Variants in TIGD5 observed in about 807,000 individuals in gnomAD.
TIGD5 encodes tigger transposable element derived 5, also known as tigger transposable element-derived protein 5.
TIGD5 carries 24 observed loss-of-function variants against 28.8 expected under a neutral mutation model. The ratio of observed to expected loss-of-function variants is 0.83; its 90% CI spans 0.60 to 1.17. The LOEUF (loss-of-function observed/expected upper bound fraction) is 1.17. Among genes scored for constraint, TIGD5 ranks in the 50% most tolerant of loss-of-function variants. The probability of loss-of-function intolerance (pLI) is 0.00; values close to 1 mark genes in which losing one functional copy is unlikely to be tolerated. For missense variants in TIGD5, 922 were observed against 911.4 expected, an observed-to-expected ratio of 1.01 and a Z score of -0.15; for synonymous variants, 538 against 430.5, an observed-to-expected ratio of 1.25 and a Z score of -3.09.
rs1829149375 is a variant in TIGD5, at chr8:143,598,489, AGCCCCGC to A, written c.591_597del (p.Pro199ArgfsTer75). The A allele has an allele frequency of 7.2e-7, 1 of 1,383,882 alleles. No individual in the cohort carries two copies. The allele number at this position is 1,383,882 out of a possible 1,614,324, so 85.7% of individuals were successfully genotyped here. A position where few individuals can be genotyped will look rare whatever the true frequency, so the allele number is the denominator to read the frequency against. On this transcript the variant is annotated frameshift_variant, in exon 1 of 1. Transcript: ENST00000504548. LOFTEE classifies it high-confidence loss of function. The surrounding 1 kb of genome is among the most constrained non-coding windows in gnomAD (Gnocchi z 6.6). The stretch of plus-strand genomic sequence containing the variant: ...CGGCGAGGCCGGGCCCCCAGCCCCG[AGCCCCGC>A]GCCCGGCCCGCCCGTCAAGGAGGAG...
At position 143,599,814 on chromosome 8, in the gene TIGD5, C is replaced by T; in HGVS notation, c.1911C>T (p.Gly637=). Residue 637 remains glycine, a synonymous_variant, in exon 1 of 1, where the codon GGC becomes GGT. Transcript: ENST00000504548. ...GGGGCATCGGGCATACCCCAGCAGG[C>T]CCCTATGACGGTGTGTGACCAGGCC... ...RLGGIGHTPA[G]PYDGV The T allele has an allele frequency of 6.8e-7, 1 of 1,480,270 alleles. No homozygotes were observed. Among genetic ancestry groups the T allele is most frequent in the Non-Finnish European group, 8.9e-7 (1 of 1,124,766 alleles). The allele number at this position is 1,480,270 out of a possible 1,614,324, so 91.7% of individuals were successfully genotyped here.
rs766390289 is a variant in TIGD5, at chr8:143,599,701, C to T, written c.1798C>T (p.Arg600Trp). Residue 600 changes from arginine (R) to tryptophan (W), a missense_variant, in exon 1 of 1, where the codon CGG becomes TGG. By Grantham distance (101) the Arg-to-Trp change is moderately radical. Coordinates refer to ENST00000504548, the MANE Select transcript of TIGD5 (RefSeq NM_032862.5). ...EAVRGLETAL[R>W]WLENQDPREV... ...CGTGCGGGGGCTAGAAACAGCTCTGCGGTGGCTGGAGAACCAGGACCCCAG... is the reference window on the plus strand; with the variant it reads ...CGTGCGGGGGCTAGAAACAGCTCTGTGGTGGCTGGAGAACCAGGACCCCAG... The T allele has an allele frequency of 3.3e-6, 5 of 1,512,436 alleles. No individual in the cohort carries two copies. Among genetic ancestry groups the T allele is most frequent in the South Asian group, 1.3e-5 (1 of 75,502 alleles). The allele number at this position is 1,512,436 out of a possible 1,614,324, so 93.7% of individuals were successfully genotyped here. A position where few individuals can be genotyped will look rare whatever the true frequency, so the allele number is the denominator to read the frequency against.
At position 143,601,395 on chromosome 8, in the gene TIGD5, G is replaced by A. The variant is rs757130870; in HGVS notation, c.*1563G>A. The A allele has an allele frequency of 3.9e-5, 6 of 152,258 alleles. No individual in the cohort carries two copies. Among genetic ancestry groups the A allele is most frequent in the Non-Finnish European group, 7.3e-5 (5 of 68,064 alleles). The allele number at this position is 152,258 out of a possible 1,614,324, so 9.4% of individuals were successfully genotyped here. A position where few individuals can be genotyped will look rare whatever the true frequency, so the allele number is the denominator to read the frequency against. Reference sequence around the variant, plus strand: ...GGAAGAGCCTCTGGCCTGAACTGCTGGGGATGGGCTGCAGAAAGCCTGAGA... The same window carrying A: ...GGAAGAGCCTCTGGCCTGAACTGCTAGGGATGGGCTGCAGAAAGCCTGAGA... On this transcript the variant is annotated 3_prime_UTR_variant, in exon 1 of 1. Coordinates refer to ENST00000504548, the MANE Select transcript of TIGD5 (RefSeq NM_032862.5).
rs1431178677 is a variant in TIGD5 at position 143,599,583 on chromosome 8, C to A, written c.1680C>A (p.Ala560=). Residue 560 remains alanine, a synonymous_variant, in exon 1 of 1, where the codon GCC becomes GCA. Coordinates refer to ENST00000504548, the MANE Select transcript of TIGD5 (RefSeq NM_032862.5). ...GPALPPAAPP[A]PASLPSAMGG... ...CCCTGCCCCCTGCAGCGCCTCCGGC[C>A]CCAGCCAGTCTGCCCTCTGCCATGG... 3.3e-6 allele frequency: 5 copies of A among 1,535,958 alleles called. No individual in the cohort carries two copies. Among genetic ancestry groups the A allele is most frequent in the Middle Eastern group, 1.7e-4 (1 of 5,792 alleles).
In TIGD5 at chr8:143,598,777, C is replaced by G; in HGVS notation, c.874C>G (p.Leu292Val). ...GACCGGCAGCCACAAGCTGAAGCCG[C>G]TGGTCATCGGGCGGCTGCCGGACCC... ...NLTGSHKLKPLVIGRLPDPPS... is the reference protein window; with the variant it reads ...NLTGSHKLKPVVIGRLPDPPS... The change falls in exon 1 of 1, where the codon CTG becomes GTG. Residue 292 changes from leucine (L) to valine (V), a missense_variant. Physicochemically the swap from Leu to Val is conservative, Grantham distance 32 (BLOSUM62 1). Coordinates refer to ENST00000504548, the MANE Select transcript of TIGD5 (RefSeq NM_032862.5). The surrounding 1 kb of genome is among the most constrained non-coding windows in gnomAD (Gnocchi z 6.6). 1.3e-6 allele frequency: 2 copies of G among 1,596,300 alleles called. No individual in the cohort carries two copies. The highest frequency in any genetic ancestry group is 1.7e-6 in the Non-Finnish European group (2 of 1,177,870).
rs749687282 is a variant in TIGD5 at position 143,602,938 on chromosome 8, C to A, written c.*3106C>A. The A allele has an allele frequency of 6.6e-6, 1 of 152,276 alleles. No homozygotes were observed. Among genetic ancestry groups the A allele is most frequent in the African/African-American group, 2.4e-5 (1 of 41,454 alleles). The allele number at this position is 152,276 out of a possible 1,614,324, so 9.4% of individuals were successfully genotyped here. On this transcript the variant is annotated 3_prime_UTR_variant, in exon 1 of 1. Transcript: ENST00000504548. ...AAGGACCTGCAGGCTTGGGGGACCC[C>A]CTCGATGTCCACTGGGCTGCGGATG...
At position 143,598,807 on chromosome 8, in the gene TIGD5, A is replaced by C; in HGVS notation, c.904A>C (p.Ser302Arg). The C allele has an allele frequency of 6.2e-7, 1 of 1,600,182 alleles. No homozygotes were observed. Among genetic ancestry groups the C allele is most frequent in the Non-Finnish European group, 8.5e-7 (1 of 1,179,308 alleles). Reference protein sequence around the residue: ...LVIGRLPDPPSLRHHNQDKFP... With the variant: ...LVIGRLPDPPRLRHHNQDKFP... ...CATCGGGCGGCTGCCGGACCCGCCC[A>C]GCCTGCGCCACCACAACCAGGACAA... is the stretch of plus-strand genomic sequence containing the variant. The change falls in exon 1 of 1, where the codon AGC becomes CGC. Residue 302 changes from serine to arginine, a missense_variant. By Grantham distance (110) the Ser-to-Arg change is moderately radical. Around this residue, in one of 3 missense-constraint regions of TIGD5, gnomAD observed 821 missense variants for 815.2 expected, o/e 1.01. Transcript: ENST00000504548. The surrounding 1 kb of genome is among the most constrained non-coding windows in gnomAD (Gnocchi z 6.6).
Position 143,599,915 on chromosome 8 carries a change from C to T in TIGD5, c.*83C>T, listed in dbSNP as rs1829233364. 3.6e-6 allele frequency: 5 copies of T among 1,371,196 alleles called. No homozygotes were observed. The highest frequency in any genetic ancestry group is 1.9e-5 in the South Asian group (1 of 53,134). 84.9% of individuals were successfully genotyped at this position (1,371,196 alleles called of 1,614,324 possible). A position where few individuals can be genotyped will look rare whatever the true frequency, so the allele number is the denominator to read the frequency against. On this transcript the variant is annotated 3_prime_UTR_variant, in exon 1 of 1. Coordinates refer to ENST00000504548, the MANE Select transcript of TIGD5 (RefSeq NM_032862.5). ...AGTCTCCCATCTCTCCTCCCCTCCC[C>T]CTGGGGTGGCCCACCGCATGGGTAC... is the stretch of plus-strand genomic sequence containing the variant.
Position 143,598,562 on chromosome 8 carries a change from C to G in TIGD5, c.659C>G (p.Ala220Gly), listed in dbSNP as rs959339122. Residue 220 changes from alanine to glycine, a missense_variant, in exon 1 of 1, where the codon GCC (alanine) becomes GGC (glycine). By Grantham distance (60) the Ala-to-Gly change is moderately conservative. This residue lies in a region of TIGD5 where 821 missense variants were observed against 815.2 expected (regional missense o/e 1.01). Coordinates refer to ENST00000504548, the MANE Select transcript of TIGD5 (RefSeq NM_032862.5). This position sits in a 1 kb window ranked among gnomAD's most constrained non-coding sequence, Gnocchi z 6.6. ...GGCGCCGGCCCCCTGCCCGACCGCG[C>G]CCCGGCCCCGCCGCCCCCGGCCGAG... ...PSGAGPLPDR[A>G]PAPPPPAEGG... is the part of the protein sequence containing the mutation. The G allele has an allele frequency of 1.6e-4, 212 of 1,320,110 alleles. No homozygotes were observed. Among genetic ancestry groups the G allele is most frequent in the Middle Eastern group, 2.8e-4 (1 of 3,544 alleles). 81.8% of individuals were successfully genotyped at this position (1,320,110 alleles called of 1,614,324 possible). A position where few individuals can be genotyped will look rare whatever the true frequency, so the allele number is the denominator to read the frequency against.
Position 143,598,269 on chromosome 8 carries a change from G to A in TIGD5, c.366G>A (p.Glu122=), listed in dbSNP as rs770768610. The change falls in exon 1 of 1, where the codon GAG becomes GAA. Residue 122 remains glutamate, a synonymous_variant. Coordinates refer to ENST00000504548, the MANE Select transcript of TIGD5 (RefSeq NM_032862.5). The surrounding 1 kb of genome is among the most constrained non-coding windows in gnomAD (Gnocchi z 6.6). ...AGAAGATGCGGCTGGCCAACGAGGA[G>A]GAGATCGACCGCGCCGTGTACGCCT... is the stretch of plus-strand genomic sequence containing the variant. ...QRKKMRLANE[E]EIDRAVYAWF... 3.1e-6 allele frequency: 5 copies of A among 1,610,112 alleles called. No homozygotes were observed. The highest frequency in any genetic ancestry group is 2.5e-6 in the Non-Finnish European group (3 of 1,178,922).
rs971936692 is a variant in TIGD5, at chr8:143,601,189, C to T, written c.*1357C>T. ...TATACAGGTCCAGGAACAAACAGTT[C>T]CTTGGAACTGCCCGCAAGTGAAGAA... On this transcript the variant is annotated 3_prime_UTR_variant, in exon 1 of 1. Coordinates refer to ENST00000504548, the MANE Select transcript of TIGD5 (RefSeq NM_032862.5). 2.0e-5 allele frequency: 3 copies of T among 152,160 alleles called. No homozygotes were observed. Among genetic ancestry groups the T allele is most frequent in the Admixed American group, 1.3e-4 (2 of 15,282 alleles). 9.4% of individuals were successfully genotyped at this position (152,160 alleles called of 1,614,324 possible). A position where few individuals can be genotyped will look rare whatever the true frequency, so the allele number is the denominator to read the frequency against.
In TIGD5 at chr8:143,598,892, G is replaced by C; in HGVS notation, c.989G>C (p.Gly330Ala). The C allele has an allele frequency of 1.9e-6, 3 of 1,598,556 alleles. No homozygotes were observed. Among genetic ancestry groups the C allele is most frequent in the South Asian group, 1.1e-5 (1 of 90,814 alleles). ...DAWLSRPLLR[G>A]WFFEEFVPGV... ...TGGCTCAGCCGCCCGCTGCTGCGGG[G>C]CTGGTTCTTTGAGGAATTTGTCCCA... The change falls in exon 1 of 1, where the codon GGC becomes GCC. Residue 330 changes from glycine to alanine, a missense_variant. Transcript: ENST00000504548. This position sits in a 1 kb window ranked among gnomAD's most constrained non-coding sequence, Gnocchi z 6.6.
rs1474549391 is a variant in TIGD5 at position 143,598,200 on chromosome 8, C to T, written c.297C>T (p.Arg99=). The T allele has an allele frequency of 1.9e-6, 3 of 1,606,808 alleles. No individual in the cohort carries two copies. The highest frequency in any genetic ancestry group is 2.7e-5 in the African/African-American group (2 of 74,098). Reference sequence around the variant, plus strand: ...GGCTCAAGGACGAGCCCAAGCTGCGCTGGTTCCTGGAGCAGCTGGGCGGTG... The same window carrying T: ...GGCTCAAGGACGAGCCCAAGCTGCGTTGGTTCCTGGAGCAGCTGGGCGGTG... ...RGWLKDEPKL[R]WFLEQLGGEV... is the part of the protein sequence containing the mutation. The change falls in exon 1 of 1, where the codon CGC becomes CGT. Residue 99 remains arginine, a synonymous_variant. Coordinates refer to ENST00000504548, the MANE Select transcript of TIGD5 (RefSeq NM_032862.5). The surrounding 1 kb of genome is among the most constrained non-coding windows in gnomAD (Gnocchi z 6.6).
chr8:143,598,767 G>T lies in TIGD5; in HGVS notation c.864G>T (p.Lys288Asn). ...CCGCAAACCTGACCGGCAGCCACAA[G>T]CTGAAGCCGCTGGTCATCGGGCGGC... Reference protein sequence around the residue: ...LLAANLTGSHKLKPLVIGRLP... With the variant: ...LLAANLTGSHNLKPLVIGRLP... The change falls in exon 1 of 1, where the codon AAG (lysine) becomes AAT (asparagine). Residue 288 changes from lysine (K) to asparagine (N), a missense_variant. Physicochemically the swap from Lys to Asn is moderately conservative, Grantham distance 94 (BLOSUM62 0). Transcript: ENST00000504548. This position sits in a 1 kb window ranked among gnomAD's most constrained non-coding sequence, Gnocchi z 6.6. 1 of 1,592,452 alleles carries T rather than the reference G, an allele frequency of 6.3e-7. No homozygotes were observed. Among genetic ancestry groups the T allele is most frequent in the Non-Finnish European group, 8.5e-7 (1 of 1,176,168 alleles).
Position 143,601,046 on chromosome 8 carries a change from C to T in TIGD5, c.*1214C>T, listed in dbSNP as rs1335139306. On this transcript the variant is annotated 3_prime_UTR_variant, in exon 1 of 1. Transcript: ENST00000504548. ...CCAGTGTCCTCCTAGGAGAGGGAAC[C>T]TTGAAAACCCAGAGTTGTGGAGTGC... 6.6e-6 allele frequency: 1 copy of T among 152,372 alleles called. No homozygotes were observed. Among genetic ancestry groups the T allele is most frequent in the African/African-American group, 2.4e-5 (1 of 41,410 alleles). 9.4% of individuals were successfully genotyped at this position (152,372 alleles called of 1,614,324 possible). A position where few individuals can be genotyped will look rare whatever the true frequency, so the allele number is the denominator to read the frequency against.
rs1009803790 is a variant in TIGD5, at chr8:143,597,898, G to A, written c.-6G>A. On this transcript the variant is annotated 5_prime_UTR_variant, in exon 1 of 1. Transcript: ENST00000504548. ...CCGCGCGGCCCGGGTCCCCCCCGCC[G>A]CAGCCATGTACCCCGCGGGCCCCCC... 8.2e-6 allele frequency: 7 copies of A among 852,212 alleles called. No homozygotes were observed. Among genetic ancestry groups the A allele is most frequent in the Non-Finnish European group, 8.4e-6 (6 of 713,592 alleles). The allele number at this position is 852,212 out of a possible 1,614,324, so 52.8% of individuals were successfully genotyped here.
rs1224657365 is a variant in TIGD5 at position 143,599,019 on chromosome 8, G to A, written c.1116G>A (p.Leu372=). The A allele has an allele frequency of 4.5e-6, 7 of 1,572,348 alleles. No homozygotes were observed. Among genetic ancestry groups the A allele is most frequent in the Non-Finnish European group, 6.0e-6 (7 of 1,166,616 alleles). ...GCCCAGCTGCCAGTATGCCCGCCCT[G>A]GACAGCGAGGATGCCCCCGTGCGGT... is the stretch of plus-strand genomic sequence containing the variant. ...CPSPAASMPA[L]DSEDAPVRCR... Residue 372 remains leucine (L), a synonymous_variant, in exon 1 of 1, where the codon CTG becomes CTA. Transcript: ENST00000504548.
Position 143,599,037 on chromosome 8 carries a change from C to T in TIGD5, c.1134C>T (p.Pro378=), listed in dbSNP as rs776768285. ...SMPALDSEDA[P]VRCRPEPLGP... ...CCGCCCTGGACAGCGAGGATGCCCC[C>T]GTGCGGTGCAGGCCGGAGCCCCTCG... The change falls in exon 1 of 1, where the codon CCC becomes CCT. Residue 378 remains proline (P), a synonymous_variant. Transcript: ENST00000504548. 1.1e-5 allele frequency: 18 copies of T among 1,570,776 alleles called. No individual in the cohort carries two copies. The Admixed American group carries it at 2.7e-4, about 23-fold the overall frequency.
In TIGD5 at chr8:143,603,066, G is replaced by A. The variant is rs1829294593; in HGVS notation, c.*3234G>A. On this transcript the variant is annotated 3_prime_UTR_variant, in exon 1 of 1. Coordinates refer to ENST00000504548, the MANE Select transcript of TIGD5 (RefSeq NM_032862.5). ...TACCTAGTTGAGACACCCATGGGGA[G>A]CAGCCCCAACAGCATGTCGGAGTCC... The A allele has an allele frequency of 6.6e-6, 1 of 152,198 alleles. No individual in the cohort carries two copies. Among genetic ancestry groups the A allele is most frequent in the Non-Finnish European group, 1.5e-5 (1 of 68,056 alleles). 9.4% of individuals were successfully genotyped at this position (152,198 alleles called of 1,614,324 possible).
Sources: allele counts gnomAD v4.1 joint callset, GRCh38; gene constraint gnomAD v4.1.1; regional missense constraint gnomAD v4.1.1; non-coding constraint Gnocchi (gnomAD v3.1); transcripts MANE v1.5; gene names NCBI Gene and HGNC (gene_info 2026-07-23, HGNC 2026-07-21).